Variants in RGPD2 observed in about 807,000 individuals in gnomAD.
The protein encoded by RGPD2 is RANBP2 like and GRIP domain containing 2, also known as RANBP2-like and GRIP domain-containing protein 2.
In RGPD2, 2 loss-of-function variants were observed where a neutral mutation model predicts 36.0. That is an observed-to-expected ratio of 0.06 (90% CI 0.02 to 0.17). The LOEUF (loss-of-function observed/expected upper bound fraction) is 0.17. RGPD2 is among the 10% of genes least tolerant of loss of function. The pLI, the probability that RGPD2 is intolerant of heterozygous loss-of-function variation, is 1.00. For missense variants in RGPD2, 40 were observed against 464.3 expected, an observed-to-expected ratio of 0.09 and a Z score of 8.40; for synonymous variants, 19 against 163.8, an observed-to-expected ratio of 0.12 and a Z score of 6.75.
At chr2:87,961,485 G>A in the RGPD2 span, among the ~76,000 whole-genome samples, 1 of 151,888 alleles carries the variant, frequency 6.6e-6, no homozygotes, top group Non-Finnish European at 1.5e-5. Flanking sequence ...CGGATCACCT[G>A]AGGTCATGAG....
At chr2:87,905,241 G>A in the RGPD2 span, among the ~76,000 whole-genome samples, 1 of 152,234 alleles carries the variant, frequency 6.6e-6, no homozygotes, top group Non-Finnish European at 1.5e-5. Context: ...CACAGGACAC[G>A]AACAGAGACA....
the RGPD2 span, among the ~76,000 whole-genome samples, chr2:87,839,632 G>T: frequency 1.3e-5 from 2 of 152,136 alleles, no homozygotes; most frequent in East Asian, 3.9e-4. Flanking sequence ...CAACATGGAT[G>T]GAGCTGGAGG....
At chr2:87,854,671 T>G in the RGPD2 span, among the ~76,000 whole-genome samples, 3 of 152,236 alleles carry the variant, frequency 2.0e-5, no homozygotes, top group African/African-American at 4.8e-5. Context: ...CTTAACAATA[T>G]GCATTTAAGA....
At chr2:87,945,173 A>G in the RGPD2 span, among the ~76,000 whole-genome samples, 4 of 152,198 alleles carry the variant, frequency 2.6e-5, no homozygotes, top group South Asian at 4.1e-4. Flanking sequence ...GAAGCAATGT[A>G]TCTATCAAGA....
At chr2:87,924,468 C>T in the RGPD2 span, among the ~76,000 whole-genome samples, 1 of 151,916 alleles carries the variant, frequency 6.6e-6, no homozygotes, top group Non-Finnish European at 1.5e-5. Context: ...AGAGACTTGG[C>T]TGCTGCAGCT....
At chr2:87,988,541 A>ATATATATATATATTTT in the RGPD2 span, among the ~76,000 whole-genome samples, 3 of 54,144 alleles carry the variant, frequency 5.5e-5, no homozygotes, top group East Asian at 1.5e-3. Flanking sequence ...ATATATATAT[A>ATATATATATATATTTT]TTTTTTTTTT....
At chr2:87,831,226 G>A in the RGPD2 span, among the ~76,000 whole-genome samples, 1 of 151,880 alleles carries the variant, frequency 6.6e-6, no homozygotes, top group African/African-American at 2.4e-5. Flanking sequence ...AGACAAATTA[G>A]TAAAATGGAA....
chr2:87,773,000 G>A (rs1372799945), intron 21 of RGPD2, among the ~76,000 whole-genome samples: 1 of 104,570 alleles, frequency 9.6e-6, no homozygotes, highest in Non-Finnish European at 2.0e-5. Context: ...TTCTACTTTT[G>A]ATAGAAACTA....
At chr2:87,830,794 C>T (rs1672477220), upstream of RGPD2, among the ~76,000 whole-genome samples, 1 of 152,108 alleles carries the variant, frequency 6.6e-6, no homozygotes. Context: ...ACCATCATAT[C>T]TCATGAAACA....
chr2:87,877,921 T>C, the RGPD2 span, among the ~76,000 whole-genome samples: 1 of 152,156 alleles, frequency 6.6e-6, no homozygotes, highest in South Asian at 2.1e-4. Flanking sequence ...GCTTCCCCTT[T>C]GTAGGTGACC....
chr2:87,927,703 C>A, the RGPD2 span, among the ~76,000 whole-genome samples: 1 of 150,200 alleles, frequency 6.7e-6, no homozygotes, highest in Non-Finnish European at 1.5e-5. Flanking sequence ...AAAAACAATT[C>A]TGTCTTTGGA....
chr2:87,983,564 C>T, the RGPD2 span, among the ~76,000 whole-genome samples: 1 of 123,188 alleles, frequency 8.1e-6, no homozygotes, highest in African/African-American at 3.0e-5. Context: ...TCTTTGCCTT[C>T]CTAGAATTTA....
chr2:87,927,749 G>T, the RGPD2 span, among the ~76,000 whole-genome samples: 2 of 151,194 alleles, frequency 1.3e-5, no homozygotes, highest in Non-Finnish European at 3.0e-5. Context: ...GTTTAAAAGG[G>T]TCATTTATAT....
chr2:87,916,713 G>A, the RGPD2 span, among the ~76,000 whole-genome samples: 19 of 151,590 alleles, frequency 1.3e-4, no homozygotes, highest in Non-Finnish European at 2.5e-4. Flanking sequence ...ACCATGACTG[G>A]AAGCTTCTTG....
At chr2:87,856,451 CATTTGACTTGCATG>C in the RGPD2 span, among the ~76,000 whole-genome samples, 1 of 132,124 alleles carries the variant, frequency 7.6e-6, no homozygotes, top group Non-Finnish European at 1.7e-5. Flanking sequence ...GTTGAGAGAA[CATTTGACTTGCATG>C]ATTTAAGGTA....
At chr2:87,951,729 T>C in the RGPD2 span, among the ~76,000 whole-genome samples, 3 of 146,314 alleles carry the variant, frequency 2.1e-5, no homozygotes, top group African/African-American at 7.6e-5. Context: ...GGATTACAGA[T>C]GTGTGCCACC....
chr2:87,839,446 A>T, the RGPD2 span, among the ~76,000 whole-genome samples: 1 of 152,042 alleles, frequency 6.6e-6, no homozygotes, highest in Non-Finnish European at 1.5e-5. Context: ...ACCCAATGGA[A>T]TATAAATAGT....
the RGPD2 span, among the ~76,000 whole-genome samples, chr2:87,959,221 A>G: frequency 1.2e-5 from 1 of 86,870 alleles, no homozygotes; most frequent in Non-Finnish European, 2.4e-5. Flanking sequence ...AGTATAAAAC[A>G]TAGTATCTGA....
chr2:87,875,165 T>A, the RGPD2 span, among the ~76,000 whole-genome samples: 1 of 152,156 alleles, frequency 6.6e-6, no homozygotes. Flanking sequence ...ATAATTTCGC[T>A]TCCTTTCTTT....
Sources: gnomAD v4.1 joint callset for allele counts (sites outside exome capture counted in the v4.1 genomes callset) on GRCh38, gnomAD v4.1.1 for gene constraint, MANE v1.5 for transcripts, NCBI Gene and HGNC (gene_info 2026-07-23, HGNC 2026-07-21) for gene names.